Variants in CPA4 observed in about 807,000 individuals in gnomAD.
CPA4 encodes carboxypeptidase A3.
CPA4 carries 49 observed loss-of-function variants against 54.7 expected under a neutral mutation model. The observed-to-expected ratio is 0.90, with a 90% CI of 0.71 to 1.14. The LOEUF (loss-of-function observed/expected upper bound fraction) is 1.14. Among genes scored for constraint, CPA4 ranks in the 50% most tolerant of loss-of-function variants. CPA4 has a pLI of 0.00. For missense variants in CPA4, 487 were observed against 525.1 expected (o/e 0.93, Z 0.71); for synonymous variants, 215 against 206.8 (o/e 1.04, Z -0.34).
At chr7:130,311,458 C>T (rs756664793) in intron 9 of CPA4, among the ~76,000 whole-genome samples, 79 of 152,258 alleles carry the variant, frequency 5.2e-4, no homozygotes, top group South Asian at 8.3e-4. Context: ...CACAGCCAGC[C>T]CTTAAACCTC....
At chr7:130,295,009 G>A (rs1793627033) in intron 1 of CPA4, among the ~76,000 whole-genome samples, 1 of 152,134 alleles carries the variant, frequency 6.6e-6, no homozygotes, top group Non-Finnish European at 1.5e-5. Context: ...CTCTACTGGA[G>A]TCTTCTGCCC....
chr7:130,298,917 AG>A, intron 2 of CPA4, 90 bp downstream of exon 2: 3 of 803,848 alleles, frequency 3.7e-6, no homozygotes, highest in Non-Finnish European at 6.3e-6. Flanking sequence ...TTTATTTCTG[AG>A]GAGTCTCTGA....
intron 4 of CPA4, among the ~76,000 whole-genome samples, chr7:130,303,043 TTGGAGGTGGTTTCTTGCTTC>T (rs796125812): frequency 6.6e-6 from 1 of 152,330 alleles, no homozygotes; most frequent in African/African-American, 2.4e-5. Flanking sequence ...GCCTATGTAT[TTGGAGGTGGTTTCTTGCTTC>T]TGTTCGGTCT....
At chr7:130,318,554 G>A (rs1365728447) in intron 10 of CPA4, among the ~76,000 whole-genome samples, 2 of 152,148 alleles carry the variant, frequency 1.3e-5, no homozygotes, top group African/African-American at 4.8e-5. Context: ...TGGGATTATA[G>A]GCATGTGCCC....
intron 10 of CPA4, among the ~76,000 whole-genome samples, chr7:130,312,330 TC>T (rs1437108301): frequency 2.0e-5 from 3 of 152,176 alleles, no homozygotes; most frequent in Non-Finnish European, 2.9e-5. Flanking sequence ...CTCATGCCCA[TC>T]CCTTCATTTT....
chr7:130,306,617 C>T (rs1350541371), intron 6 of CPA4, among the ~76,000 whole-genome samples, 170 bp from the exon 7 acceptor site: 1 of 152,090 alleles, frequency 6.6e-6, no homozygotes, highest in African/African-American at 2.4e-5. Flanking sequence ...GCTCAGAGGG[C>T]TTTGCAGAGA....
intron 10 of CPA4, among the ~76,000 whole-genome samples, chr7:130,318,082 A>G (rs1385090179): frequency 2.0e-5 from 3 of 152,162 alleles, no homozygotes; most frequent in Admixed American, 6.5e-5. Context: ...TAGTGTTGCT[A>G]AGTGGGAACT....
At chr7:130,297,930 C>T (rs988017222) in intron 1 of CPA4, among the ~76,000 whole-genome samples, 14 of 152,296 alleles carry the variant, frequency 9.2e-5, no homozygotes, top group African/African-American at 2.9e-4. Context: ...CTACCCCTGC[C>T]GCCGCTGCAG....
chr7:130,294,115 G>A (rs79593396), intron 1 of CPA4, among the ~76,000 whole-genome samples: 1 of 152,094 alleles, frequency 6.6e-6, no homozygotes, highest in South Asian at 2.1e-4. Flanking sequence ...CCAGGCAGGG[G>A]TGTTATTTTC....
At chr7:130,322,457 G>T (rs1794124758) in intron 10 of CPA4, 32 bp from the exon 11 acceptor site, 1 of 1,589,476 alleles carries the variant, frequency 6.3e-7, no homozygotes, top group Non-Finnish European at 8.6e-7. Flanking sequence ...AGGGAACTGG[G>T]CTTCAAGAGT....
chr7:130,322,961 C>G lies in CPA4; in HGVS notation c.*285C>G. ...GCTGGGCGGCTGCACTCAGCATCAC[C>G]CCTTCCTGGGTGGCATGTCTCTCTC... On this transcript the variant is annotated 3_prime_UTR_variant, in exon 11 of 11. Coordinates refer to ENST00000222482, the MANE Select transcript of CPA4 (RefSeq NM_016352.4). 1 of 331,634 alleles carries G rather than the reference C, an allele frequency of 3.0e-6. No homozygotes were observed. The allele number at this position is 331,634 out of a possible 1,614,324, so 20.5% of individuals were successfully genotyped here. A position where few individuals can be genotyped will look rare whatever the true frequency, so the allele number is the denominator to read the frequency against.
chr7:130,305,569 G>T (rs1276827138), intron 5 of CPA4, among the ~76,000 whole-genome samples: 1 of 152,184 alleles, frequency 6.6e-6, no homozygotes, highest in Non-Finnish European at 1.5e-5. Flanking sequence ...AGTAACGGTT[G>T]TTTCCCCTCC....
Position 130,310,245 on chromosome 7 carries a change from C to T in CPA4, c.794-542C>T, listed in dbSNP as rs761685245. ...TCAGTCACATTCATACACACACACACGCACACACACACGTATGCACGTGTG... is the reference window on the plus strand; with the variant it reads ...TCAGTCACATTCATACACACACACATGCACACACACACGTATGCACGTGTG... On this transcript the variant is annotated intron_variant, in intron 8 of 10. Transcript: ENST00000222482. The surrounding 1 kb of genome is among the most constrained non-coding windows in gnomAD (Gnocchi z 4.3). Among the ~76,000 whole-genome samples, 4 of 151,584 alleles carry T rather than the reference C, an allele frequency of 2.6e-5. No homozygotes were observed. The highest frequency in any genetic ancestry group is 1.9e-4 in the East Asian group (1 of 5,192).
intron 5 of CPA4, among the ~76,000 whole-genome samples, chr7:130,305,450 C>A (rs1461610796): frequency 6.6e-6 from 1 of 152,180 alleles, no homozygotes; most frequent in Non-Finnish European, 1.5e-5. Flanking sequence ...ATCATGTCGA[C>A]CGAAACAGCC....
At chr7:130,306,725 G>T in intron 6 of CPA4, 62 bp from the exon 7 acceptor site, 1 of 944,778 alleles carries the variant, frequency 1.1e-6, no homozygotes, top group South Asian at 1.3e-5. Flanking sequence ...GAAGATACAT[G>T]GTTCAGCCCT....
rs766904498 is a variant in CPA4 at position 130,293,174 on chromosome 7, C to T, written c.-7C>T. ...CTCAGCCACTGTATGACTGACTCCC[C>T]GGGGACATGAGGTGGATACTGTTCA... On this transcript the variant is annotated 5_prime_UTR_variant, in exon 1 of 11. Coordinates refer to ENST00000222482, the MANE Select transcript of CPA4 (RefSeq NM_016352.4). The T allele has an allele frequency of 1.0e-4, 162 of 1,600,732 alleles. No individual in the cohort carries two copies. The highest frequency in any genetic ancestry group is 1.3e-4 in the African/African-American group (10 of 74,638).
At position 130,298,783 on chromosome 7, in the gene CPA4, G is replaced by A. The variant is rs138137136; in HGVS notation, c.106G>A (p.Glu36Lys). ...GAGGATTAATGTCAGAAATGGAGAC[G>A]AGATCAGCAAATTGAGTCAACTAGT... ...VLRINVRNGDEISKLSQLVNS... is the reference protein window; with the variant it reads ...VLRINVRNGDKISKLSQLVNS... Residue 36 changes from glutamate (E) to lysine (K), a missense_variant, in exon 2 of 11, where the codon GAG becomes AAG. Physicochemically the swap from Glu to Lys is moderately conservative, Grantham distance 56. Coordinates refer to ENST00000222482, the MANE Select transcript of CPA4 (RefSeq NM_016352.4). 1.7e-5 allele frequency: 27 copies of A among 1,612,416 alleles called. No individual in the cohort carries two copies. In the South Asian group the frequency reaches 1.8e-4, roughly 10 times the overall value.
chr7:130,302,818 C>T (rs1443981614), intron 4 of CPA4, among the ~76,000 whole-genome samples: 1 of 152,150 alleles, frequency 6.6e-6, no homozygotes, highest in Non-Finnish European at 1.5e-5. Flanking sequence ...CTCTCAAGTT[C>T]CAGCTCCTTG....
intron 1 of CPA4, among the ~76,000 whole-genome samples, chr7:130,295,403 T>TGA (rs1193422517): frequency 1.3e-5 from 2 of 152,126 alleles, no homozygotes; most frequent in Non-Finnish European, 2.9e-5. Flanking sequence ...AGAGGAGCTG[T>TGA]GAGAACACCT....
Sources: allele counts gnomAD v4.1 joint callset (sites outside exome capture counted in the v4.1 genomes callset), GRCh38; gene constraint gnomAD v4.1.1; non-coding constraint Gnocchi (gnomAD v3.1); transcripts MANE v1.5; gene names NCBI Gene and HGNC (gene_info 2026-07-23, HGNC 2026-07-21).